MS4A10: variants seen among roughly 807,000 people sequenced by gnomAD.
MS4A10 encodes the protein membrane spanning 4-domains A10.
In MS4A10, 27 loss-of-function variants were observed where a neutral mutation model predicts 27.7. That is an observed-to-expected ratio of 0.98 (90% CI 0.72 to 1.35). MS4A10 has a LOEUF of 1.35. MS4A10 is among the 40% of genes most tolerant of loss of function. The pLI is 0.00. For synonymous variants in MS4A10, 139 were observed against 131.2 expected, an observed-to-expected ratio of 1.06 and a Z score of -0.41; for missense variants, 338 against 324.7, an observed-to-expected ratio of 1.04 and a Z score of -0.32.
chr11:60,793,155 G>A (rs1854460277), intron 4 of MS4A10, among the ~76,000 whole-genome samples: 1 of 152,148 alleles, frequency 6.6e-6, no homozygotes, highest in Admixed American at 6.5e-5. Flanking sequence ...CCTCAGCCTG[G>A]CTAGGCTGTG....
In MS4A10 at chr11:60,794,690, G is replaced by A. The variant is rs544493284; in HGVS notation, c.492+587G>A. 1.9e-4 allele frequency among the ~76,000 whole-genome samples: 29 copies of A among 151,958 alleles called. No individual in the cohort carries two copies. The South Asian group carries it at 5.2e-3, about 27-fold the overall frequency. On this transcript the variant is annotated intron_variant, in intron 5 of 7. Coordinates refer to ENST00000308287, the MANE Select transcript of MS4A10 (RefSeq NM_206893.4). ...TTTTTTCTTTTTTTTTGGAAGGGGC[G>A]GGGGAACGGAGTCTCACTCTTGTCA...
intron 7 of MS4A10, among the ~76,000 whole-genome samples, 168 bp from the exon 8 acceptor site, chr11:60,799,660 C>T (rs1470207437): frequency 2.0e-5 from 3 of 152,226 alleles, no homozygotes; most frequent in Admixed American, 1.3e-4. Context: ...CTTGCCCTTC[C>T]TCCACCTGGA....
intron 5 of MS4A10, among the ~76,000 whole-genome samples, chr11:60,794,383 C>T (rs1368721268): frequency 2.6e-5 from 4 of 152,216 alleles, no homozygotes; most frequent in South Asian, 4.1e-4. Flanking sequence ...AGCAACTTGA[C>T]GGCAAATCCA....
intron 5 of MS4A10, 152 bp from the exon 6 acceptor site, chr11:60,795,403 C>A: frequency 2.2e-6 from 1 of 461,228 alleles, no homozygotes; most frequent in Non-Finnish European, 3.8e-6. Context: ...CACAGAGACC[C>A]ACCCTGCCTT....
chr11:60,786,172 T>TGCACACACACACAC (rs1554971089), intron 1 of MS4A10, among the ~76,000 whole-genome samples: 4 of 131,380 alleles, frequency 3.0e-5, no homozygotes, highest in Non-Finnish European at 5.0e-5. Context: ...TGCACACACA[T>TGCACACACACACAC]GCACACACAC....
intron 1 of MS4A10, among the ~76,000 whole-genome samples, chr11:60,788,025 GAAATAAATAAAT>G (rs71471805): frequency 1.2e-4 from 18 of 151,126 alleles, no homozygotes; most frequent in South Asian, 6.3e-4. Flanking sequence ...CTCAAAAATA[GAAATAAATAAAT>G]AAATAAATAA....
Position 60,795,602 on chromosome 11 carries a change from A to G in MS4A10, c.540A>G (p.Leu180=), listed in dbSNP as rs780532412. 5 of 1,595,546 alleles carry G rather than the reference A, an allele frequency of 3.1e-6. No homozygotes were observed. Among genetic ancestry groups the G allele is most frequent in the Non-Finnish European group, 4.3e-6 (5 of 1,170,786 alleles). Residue 180 remains leucine (L), a synonymous_variant, in exon 6 of 8, where the codon CTA becomes CTG. Coordinates refer to ENST00000308287, the MANE Select transcript of MS4A10 (RefSeq NM_206893.4). ...TGGCCTTGCTCTGCTTCACTGTCCT[A>G]GAGCTCTTCCTGCCAGTGCCCACAG... ...LELALLCFTV[L]ELFLPVPTAV... is the part of the protein sequence containing the mutation.
chr11:60,800,290 A>G lies in MS4A10; in HGVS notation c.*381A>G, dbSNP rs185269426. ...CTCAGCCTCCCAAGTAGCTGGGACT[A>G]TAGGCACACGCCACCACGCCCAGCT... On this transcript the variant is annotated 3_prime_UTR_variant, in exon 8 of 8. Coordinates refer to ENST00000308287, the MANE Select transcript of MS4A10 (RefSeq NM_206893.4). 4.5e-5 allele frequency: 9 copies of G among 197,966 alleles called. No homozygotes were observed. The highest frequency in any genetic ancestry group is 1.0e-5 in the Non-Finnish European group (1 of 96,464). 12.3% of individuals were successfully genotyped at this position (197,966 alleles called of 1,614,324 possible).
chr11:60,795,692 A>G (rs763653838), intron 6 of MS4A10, 27 bp downstream of exon 6: 21 of 1,471,640 alleles, frequency 1.4e-5, no homozygotes, highest in Non-Finnish European at 1.9e-5. Flanking sequence ...TCTTCCCAGG[A>G]AGACAAAAAA....
intron 1 of MS4A10, among the ~76,000 whole-genome samples, chr11:60,787,012 G>A (rs1246294693): frequency 2.2e-4 from 34 of 152,210 alleles, no homozygotes; most frequent in Admixed American, 2.1e-3. Context: ...TGCCCACTCT[G>A]CTGCTTTGCT....
intron 6 of MS4A10, among the ~76,000 whole-genome samples, chr11:60,797,677 T>C (rs1459409085): frequency 6.6e-6 from 1 of 152,188 alleles, no homozygotes; most frequent in Non-Finnish European, 1.5e-5. Context: ...CTTAATTCCA[T>C]CTGCAACCTT....
In MS4A10 at chr11:60,794,044, G is replaced by T. The variant is rs1307468101; in HGVS notation, c.433G>T (p.Asp145Tyr). The T allele has an allele frequency of 1.2e-6, 2 of 1,613,980 alleles. No individual in the cohort carries two copies. Among genetic ancestry groups the T allele is most frequent in the African/African-American group, 2.7e-5 (2 of 74,912 alleles). ...GTCTGGCCTCTTCGTCATCTCCAAG[G>T]ATCTCTTTCTGGAGAGCCCATTTGA... Reference protein sequence around the residue: ...VLSGLFVISKDLFLESPFESP... With the variant: ...VLSGLFVISKYLFLESPFESP... The change falls in exon 5 of 8, where the codon GAT (aspartate) becomes TAT (tyrosine). Residue 145 changes from aspartate to tyrosine, a missense_variant. Asp to Tyr is a radical substitution (Grantham distance 160, BLOSUM62 -3). Coordinates refer to ENST00000308287, the MANE Select transcript of MS4A10 (RefSeq NM_206893.4).
intron 1 of MS4A10, among the ~76,000 whole-genome samples, chr11:60,786,584 C>T (rs575192758): frequency 1.2e-4 from 18 of 152,042 alleles, no homozygotes; most frequent in African/African-American, 3.6e-4. Flanking sequence ...AAGAACCAGA[C>T]GAGGACAAGG....
At chr11:60,785,840 A>G (rs1854326131) in intron 1 of MS4A10, among the ~76,000 whole-genome samples, 1 of 151,936 alleles carries the variant, frequency 6.6e-6, no homozygotes, top group African/African-American at 2.4e-5. Context: ...AGGGAGGAGA[A>G]GGGACTTGTC....
chr11:60,797,336 A>G (rs1488359969), intron 6 of MS4A10, among the ~76,000 whole-genome samples: 2 of 152,204 alleles, frequency 1.3e-5, no homozygotes, highest in African/African-American at 2.4e-5. Context: ...AAATTATCAC[A>G]AATTTGGTGG....
intron 1 of MS4A10, among the ~76,000 whole-genome samples, chr11:60,786,746 A>G (rs1854346819): frequency 6.6e-6 from 1 of 152,168 alleles, no homozygotes. Flanking sequence ...GGGATTCTAG[A>G]CACGCAACAG....
intron 6 of MS4A10, among the ~76,000 whole-genome samples, chr11:60,796,223 G>A (rs541089998): frequency 1.1e-3 from 96 of 88,358 alleles, no homozygotes; most frequent in Non-Finnish European, 2.1e-3. Context: ...GATGATGTAT[G>A]GATGGATATA....
chr11:60,790,539 G>T, intron 2 of MS4A10, 21 bp downstream of exon 2: 2 of 1,613,402 alleles, frequency 1.2e-6, no homozygotes, highest in East Asian at 2.2e-5. Context: ...ACTTCCCAGG[G>T]TCCCAGCAGT....
intron 6 of MS4A10, 121 bp from the exon 7 acceptor site, chr11:60,798,275 C>T: frequency 1.3e-6 from 1 of 759,480 alleles, no homozygotes; most frequent in Non-Finnish European, 2.2e-6. Flanking sequence ...TCTCAAGCCT[C>T]AGTTTCCCCA....
Sources: gnomAD v4.1 joint callset for allele counts (sites outside exome capture counted in the v4.1 genomes callset) on GRCh38, gnomAD v4.1.1 for gene constraint, MANE v1.5 for transcripts, NCBI Gene and HGNC (gene_info 2026-07-23, HGNC 2026-07-21) for gene names.